Variants in OR4D9 observed in about 807,000 individuals in gnomAD.
OR4D9 encodes olfactory receptor 4D9.
Under a neutral mutation model 0.8 loss-of-function variants are expected in OR4D9, and 2 were observed. That is an observed-to-expected ratio of 2.58 (90% CI 1.06 to 8.13). The LOEUF is 8.13. Ranked by LOEUF, OR4D9 falls within the 30% of genes most tolerant of loss-of-function variation. The probability of loss-of-function intolerance (pLI) is 0.04; values close to 1 mark genes in which losing one functional copy is unlikely to be tolerated. For missense variants in OR4D9, 399 were observed against 384.7 expected (o/e 1.04, Z -0.31); for synonymous variants, 146 against 151.2 (o/e 0.97, Z 0.25).
intron 1 of OR4D9, among the ~76,000 whole-genome samples, chr11:59,512,402 GGGAGGC>G (rs1444429984): frequency 6.9e-6 from 1 of 145,790 alleles, no homozygotes; most frequent in East Asian, 2.0e-4. Context: ...GCGTGAACTT[GGGAGGC>G]GGAGCTTGCA....
At chr11:59,512,598 T>C (rs1859343946) in intron 1 of OR4D9, among the ~76,000 whole-genome samples, 1 of 149,918 alleles carries the variant, frequency 6.7e-6, no homozygotes, top group African/African-American at 2.5e-5. Context: ...TCCAGGCAGG[T>C]GGTTCACTTG....
rs1410676667 is a variant in OR4D9, at chr11:59,516,268, G to C, written c.*411G>C. 1 of 158,932 alleles carries C rather than the reference G, an allele frequency of 6.3e-6. No individual in the cohort carries two copies. 9.8% of individuals were successfully genotyped at this position (158,932 alleles called of 1,614,324 possible). A position where few individuals can be genotyped will look rare whatever the true frequency, so the allele number is the denominator to read the frequency against. ...AGGCCAAGGCAGGCAGATGACCTGA[G>C]GTCGGGAGTTCAAGACCAGCCTGAC... On this transcript the variant is annotated 3_prime_UTR_variant, in exon 3 of 3. Coordinates refer to ENST00000641962, the MANE Select transcript of OR4D9 (RefSeq NM_001004711.2).
intron 1 of OR4D9, among the ~76,000 whole-genome samples, chr11:59,514,390 G>A (rs982219742): frequency 6.6e-6 from 1 of 152,192 alleles, no homozygotes; most frequent in Non-Finnish European, 1.5e-5. Context: ...CTTTTGTGAA[G>A]TATTGGTTTC....
intron 1 of OR4D9, among the ~76,000 whole-genome samples, chr11:59,513,216 A>G (rs917633234): frequency 1.3e-5 from 2 of 152,142 alleles, no homozygotes; most frequent in African/African-American, 4.8e-5. Flanking sequence ...CTGGGACTAC[A>G]GGCGTGTGCC....
At position 59,515,439 on chromosome 11, in the gene OR4D9, C is replaced by G. The variant is rs545539437; in HGVS notation, c.527C>G (p.Thr176Ser). The change falls in exon 3 of 3, where the codon ACT becomes AGT. Residue 176 changes from threonine to serine, a missense_variant. Transcript: ENST00000641962. ...LPFCGPNVLD[T>S]FYCDVPQVLK... ...TTCTGTGGACCCAATGTTCTTGACA[C>G]TTTCTACTGCGATGTCCCCCAGGTC... 612 of 1,614,214 alleles carry G rather than the reference C, an allele frequency of 3.8e-4. 6 individuals are homozygous for G. The South Asian group carries it at 6.4e-3, about 17-fold the overall frequency.
intron 1 of OR4D9, among the ~76,000 whole-genome samples, chr11:59,512,444 T>G (rs558463164): frequency 1.5e-5 from 2 of 134,426 alleles, no homozygotes; most frequent in African/African-American, 5.8e-5. Flanking sequence ...GCCACTGCAC[T>G]CCAGCCTGGG....
Position 59,515,286 on chromosome 11 carries a change from C to T in OR4D9, c.374C>T (p.Ala125Val), listed in dbSNP as rs1160703890. ...LSVMAFDRYI[A>V]ISKPLHYMTI... ...GTGATGGCGTTTGACCGCTATATAG[C>T]CATCTCCAAGCCCCTGCACTATATG... Residue 125 changes from alanine (A) to valine (V), a missense_variant, in exon 3 of 3, where the codon GCC becomes GTC. Ala to Val is a moderately conservative substitution (Grantham distance 64). Transcript: ENST00000641962. 2 of 1,612,090 alleles carry T rather than the reference C, an allele frequency of 1.2e-6. No individual in the cohort carries two copies. Among genetic ancestry groups the T allele is most frequent in the Admixed American group, 3.3e-5 (2 of 59,788 alleles).
chr11:59,515,195 A>C lies in OR4D9; in HGVS notation c.283A>C (p.Ser95Arg). 1 of 1,614,046 alleles carries C rather than the reference A, an allele frequency of 6.2e-7. No homozygotes were observed. The highest frequency in any genetic ancestry group is 8.5e-7 in the Non-Finnish European group (1 of 1,180,016). The change falls in exon 3 of 3, where the codon AGT (serine) becomes CGT (arginine). Residue 95 changes from serine (S) to arginine (R), a missense_variant. Physicochemically the swap from Ser to Arg is moderately radical, Grantham distance 110. Transcript: ENST00000641962. ...LLSETKTISF[S>R]GCVTQMFFFH... ...ATCAGAGACAAAAACCATCTCCTTCAGTGGCTGTGTCACTCAAATGTTCTT... is the reference window on the plus strand; with the variant it reads ...ATCAGAGACAAAAACCATCTCCTTCCGTGGCTGTGTCACTCAAATGTTCTT...
intron 1 of OR4D9, among the ~76,000 whole-genome samples, chr11:59,514,237 T>G (rs888875836): frequency 6.6e-6 from 1 of 152,210 alleles, no homozygotes. Context: ...CCACTAGCAG[T>G]GTATTAGAGT....
intron 1 of OR4D9, among the ~76,000 whole-genome samples, chr11:59,513,880 A>T: frequency 6.6e-6 from 1 of 152,196 alleles, no homozygotes; most frequent in East Asian, 1.9e-4. Context: ...CTGAAGTGGG[A>T]GGATCGCTTG....
At chr11:59,512,314 T>C (rs1859337703) in intron 1 of OR4D9, among the ~76,000 whole-genome samples, 1 of 147,704 alleles carries the variant, frequency 6.8e-6, no homozygotes, top group Non-Finnish European at 1.5e-5. Flanking sequence ...TTTTTTTTTT[T>C]TTGAGACAGA....
rs750772471 is a variant in OR4D9, at chr11:59,514,975, A to G, written c.63A>G (p.Arg21=). Residue 21 remains arginine (R), a synonymous_variant, in exon 3 of 3, where the codon CGA becomes CGG. Transcript: ENST00000641962. ...EFTFLGITQS[R]ELSQVLFTFL... ...CCTTCCTGGGAATTACTCAGTCCCGAGAACTGAGCCAGGTCTTATTTACCT... is the reference window on the plus strand; with the variant it reads ...CCTTCCTGGGAATTACTCAGTCCCGGGAACTGAGCCAGGTCTTATTTACCT... The G allele has an allele frequency of 1.5e-5, 24 of 1,613,912 alleles. No individual in the cohort carries two copies. In the Admixed American group the frequency reaches 3.8e-4, roughly 26 times the overall value.
At chr11:59,513,024 A>G (rs1013888805) in intron 1 of OR4D9, among the ~76,000 whole-genome samples, 1 of 152,218 alleles carries the variant, frequency 6.6e-6, no homozygotes, top group Non-Finnish European at 1.5e-5. Context: ...AAAACTTTAT[A>G]CTGAAGTATG....
chr11:59,512,348 G>A (rs1374437223), intron 1 of OR4D9, among the ~76,000 whole-genome samples: 6 of 138,928 alleles, frequency 4.3e-5, no homozygotes, highest in Admixed American at 7.8e-5. Context: ...ACCCAGGCTG[G>A]AGCCTGTAGT....
intron 1 of OR4D9, among the ~76,000 whole-genome samples, chr11:59,512,538 C>T (rs1247341519): frequency 6.6e-6 from 1 of 151,212 alleles, no homozygotes; most frequent in East Asian, 1.9e-4. Flanking sequence ...AACGGTAACT[C>T]TTGAGTTGGT....
At chr11:59,513,065 A>G (rs12800636) in intron 1 of OR4D9, among the ~76,000 whole-genome samples, 4 of 152,030 alleles carry the variant, frequency 2.6e-5, no homozygotes, top group African/African-American at 9.7e-5. Context: ...ACGCACATAC[A>G]TGTACAGCTC....
rs1229555719 is a variant in OR4D9 at position 59,520,635 on chromosome 11, A to T, written c.*4778A>T. On this transcript the variant is annotated 3_prime_UTR_variant, in exon 3 of 3. Transcript: ENST00000641962. ...TAATAACAAAAAAAAGAAAAGATAA[A>T]TGAAGTCAATTGAGGAGATAATAGG... 6.6e-6 allele frequency: 1 copy of T among 152,132 alleles called. No individual in the cohort carries two copies. Among genetic ancestry groups the T allele is most frequent in the Admixed American group, 6.5e-5 (1 of 15,276 alleles). 9.4% of individuals were successfully genotyped at this position (152,132 alleles called of 1,614,324 possible). A position where few individuals can be genotyped will look rare whatever the true frequency, so the allele number is the denominator to read the frequency against.
At position 59,515,211 on chromosome 11, in the gene OR4D9, A is replaced by C. The variant is rs1859386383; in HGVS notation, c.299A>C (p.Gln100Pro). Residue 100 changes from glutamine to proline, a missense_variant, in exon 3 of 3, where the codon CAA (glutamine) becomes CCA (proline). Coordinates refer to ENST00000641962, the MANE Select transcript of OR4D9 (RefSeq NM_001004711.2). The stretch of plus-strand genomic sequence containing the variant: ...ATCTCCTTCAGTGGCTGTGTCACTC[A>C]AATGTTCTTCTTCCACCTTCTGGGG... ...KTISFSGCVT[Q>P]MFFFHLLGGA... 1 of 1,613,916 alleles carries C rather than the reference A, an allele frequency of 6.2e-7. No individual in the cohort carries two copies. The highest frequency in any genetic ancestry group is 8.5e-7 in the Non-Finnish European group (1 of 1,180,008).
intron 1 of OR4D9, among the ~76,000 whole-genome samples, chr11:59,513,527 C>CTCATT (rs1859358543): frequency 6.6e-6 from 1 of 152,124 alleles, no homozygotes; most frequent in Non-Finnish European, 1.5e-5. Flanking sequence ...TATATTATTA[C>CTCATT]GTATAGTGTA....
Sources: allele counts gnomAD v4.1 joint callset (sites outside exome capture counted in the v4.1 genomes callset), GRCh38; gene constraint gnomAD v4.1.1; transcripts MANE v1.5; gene names NCBI Gene and HGNC (gene_info 2026-07-23, HGNC 2026-07-21).